PAFAH1B1: variants seen among roughly 807,000 people sequenced by gnomAD.
PAFAH1B1 encodes platelet-activating factor acetylhydrolase IB subunit beta.
Under a neutral mutation model 57.5 loss-of-function variants are expected in PAFAH1B1, and 2 were observed. The observed-to-expected ratio is 0.03, with a 90% CI of 0.01 to 0.11. The LOEUF (loss-of-function observed/expected upper bound fraction) is 0.11, where lower values mean the gene tolerates loss of function less well. Among genes scored for constraint, PAFAH1B1 ranks in the 10% least tolerant of loss-of-function variants. PAFAH1B1 has a pLI of 1.00. For missense variants in PAFAH1B1, 257 were observed against 512.0 expected (o/e 0.50, Z 4.81); for synonymous variants, 152 against 169.6 (o/e 0.90, Z 0.81).
intron 1 of PAFAH1B1, among the ~76,000 whole-genome samples, chr17:2,608,176 C>T (rs111478118): frequency 2.6e-5 from 4 of 152,042 alleles, no homozygotes; most frequent in African/African-American, 4.8e-5. Context: ...CCTCCACCTC[C>T]CAGGTTCAAG....
At chr17:2,610,359 G>A (rs1288732148) in intron 1 of PAFAH1B1, among the ~76,000 whole-genome samples, 2 of 152,136 alleles carry the variant, frequency 1.3e-5, no homozygotes, top group Admixed American at 6.6e-5. Context: ...AGGCCAAAAA[G>A]GTTTATTATA....
intron 2 of PAFAH1B1, among the ~76,000 whole-genome samples, chr17:2,646,481 C>T (rs925585228): frequency 7.9e-5 from 12 of 151,964 alleles, no homozygotes; most frequent in African/African-American, 2.9e-4. Flanking sequence ...GGTGAAGCCC[C>T]ATCTCTACTA....
chr17:2,634,443 T>G (rs1056435406), intron 1 of PAFAH1B1, among the ~76,000 whole-genome samples: 5 of 152,170 alleles, frequency 3.3e-5, no homozygotes, highest in Non-Finnish European at 7.4e-5. Context: ...AGTCTCAACT[T>G]GGTTGTAAGC....
chr17:2,659,520 C>CA (rs1162326785), intron 2 of PAFAH1B1: 4,317 of 41,964 alleles, frequency 0.1, 136 homozygotes, highest in African/African-American at 0.12. Flanking sequence ...ACTGCCTCGC[C>CA]AAAAAAAAAA....
At chr17:2,620,137 A>C (rs1406753362) in intron 1 of PAFAH1B1, among the ~76,000 whole-genome samples, 1 of 152,174 alleles carries the variant, frequency 6.6e-6, no homozygotes, top group Non-Finnish European at 1.5e-5. Flanking sequence ...GTATATTCAG[A>C]AGAAAGTGCG....
intron 6 of PAFAH1B1, among the ~76,000 whole-genome samples, chr17:2,672,261 G>A (rs1375776520): frequency 2.9e-5 from 3 of 102,698 alleles, no homozygotes; most frequent in Non-Finnish European, 5.4e-5. Flanking sequence ...TTTAGCCTGG[G>A]TAACAGAGCA....
At chr17:2,665,334 G>T in intron 2 of PAFAH1B1, 38 bp from the exon 3 acceptor site, 1 of 1,071,802 alleles carries the variant, frequency 9.3e-7, no homozygotes. Context: ...ATAGAAATGA[G>T]GTCTTTTTTT....
chr17:2,649,489 G>A (rs1464609100), intron 2 of PAFAH1B1, among the ~76,000 whole-genome samples: 1 of 151,416 alleles, frequency 6.6e-6, no homozygotes, highest in Non-Finnish European at 1.5e-5. Flanking sequence ...CAGGAGGATC[G>A]CTTGAACCTG....
intron 1 of PAFAH1B1, among the ~76,000 whole-genome samples, chr17:2,603,338 A>C (rs1333758400): frequency 6.6e-6 from 1 of 152,080 alleles, no homozygotes; most frequent in Admixed American, 6.5e-5. Flanking sequence ...TTCAAAATAC[A>C]GGCCAGGCGC....
chr17:2,676,901 G>A (rs1225270348), intron 9 of PAFAH1B1, among the ~76,000 whole-genome samples: 3 of 152,032 alleles, frequency 2.0e-5, no homozygotes, highest in East Asian at 1.9e-4. Flanking sequence ...GGTGGCTTAC[G>A]CCTGTAATCC....
At chr17:2,661,244 ATGCCTGAATGGTAT>A (rs1435379185) in intron 2 of PAFAH1B1, among the ~76,000 whole-genome samples, 1 of 152,126 alleles carries the variant, frequency 6.6e-6, no homozygotes, top group Non-Finnish European at 1.5e-5. Context: ...ATCTTTGCCC[ATGCCTGAATGGTAT>A]TGCCTAGGTT....
intron 1 of PAFAH1B1, among the ~76,000 whole-genome samples, chr17:2,628,797 TC>T (rs1431899383): frequency 1.3e-5 from 2 of 152,216 alleles, no homozygotes; most frequent in Non-Finnish European, 2.9e-5. Context: ...CGTATCTAAT[TC>T]TTCCTGATTT....
At chr17:2,679,566 TTAGA>T (rs2069341193) in intron 9 of PAFAH1B1, 1 of 122,348 alleles carries the variant, frequency 8.2e-6, no homozygotes, top group Non-Finnish European at 1.7e-5. Context: ...AGATGGATGA[TTAGA>T]TGGATGATTG....
Position 2,682,015 on chromosome 17 carries a change from C to T in PAFAH1B1, c.*213C>T. 1.9e-6 allele frequency: 1 copy of T among 512,984 alleles called. No individual in the cohort carries two copies. Among genetic ancestry groups the T allele is most frequent in the Non-Finnish European group, 3.5e-6 (1 of 289,064 alleles). The allele number at this position is 512,984 out of a possible 1,614,324, so 31.8% of individuals were successfully genotyped here. On this transcript the variant is annotated 3_prime_UTR_variant, in exon 11 of 11. Transcript: ENST00000397195. ...AATTTACATACGTTGTCTAGAAGTACCATAGGGTTTAAAAACCTGGGCTGG... is the reference window on the plus strand; with the variant it reads ...AATTTACATACGTTGTCTAGAAGTATCATAGGGTTTAAAAACCTGGGCTGG...
At chr17:2,643,902 C>G (rs1049137054) in intron 2 of PAFAH1B1, among the ~76,000 whole-genome samples, 1 of 151,918 alleles carries the variant, frequency 6.6e-6, no homozygotes, top group Non-Finnish European at 1.5e-5. Flanking sequence ...AGATTCAACC[C>G]CTTTCGCCCA....
intron 1 of PAFAH1B1, among the ~76,000 whole-genome samples, chr17:2,605,677 T>G (rs2068197479): frequency 6.6e-6 from 1 of 152,194 alleles, no homozygotes; most frequent in Non-Finnish European, 1.5e-5. Context: ...AGGCAGTCTT[T>G]TCTAATTTTT....
Position 2,685,104 on chromosome 17 carries a change from TCTC to T in PAFAH1B1, c.*3305_*3307del, listed in dbSNP as rs1190074620. Reference sequence around the variant, plus strand: ...GTGTTCATCTAGATGACGCAAAGAATCTCCTGGTAGAGAAGCGACATGTAAAAA... The same window carrying T: ...GTGTTCATCTAGATGACGCAAAGAATCTGGTAGAGAAGCGACATGTAAAAA... On this transcript the variant is annotated 3_prime_UTR_variant, in exon 11 of 11. Transcript: ENST00000397195. The T allele has an allele frequency of 2.1e-5, 3 of 145,068 alleles. No individual in the cohort carries two copies. The highest frequency in any genetic ancestry group is 5.1e-5 in the African/African-American group (2 of 38,870). The allele number at this position is 145,068 out of a possible 1,614,324, so 9.0% of individuals were successfully genotyped here.
chr17:2,655,050 T>C (rs967828609), intron 2 of PAFAH1B1, among the ~76,000 whole-genome samples: 1 of 151,684 alleles, frequency 6.6e-6, no homozygotes, highest in East Asian at 1.9e-4. Context: ...TCCTCCCGCA[T>C]TGGCCTTTCA....
intron 2 of PAFAH1B1, among the ~76,000 whole-genome samples, chr17:2,657,601 C>T (rs560932730): frequency 1.3e-5 from 2 of 152,294 alleles, no homozygotes; most frequent in African/African-American, 4.8e-5. Context: ...CCATAATGTA[C>T]CATTCTGATT....
Sources: gnomAD v4.1 joint callset for allele counts (sites outside exome capture counted in the v4.1 genomes callset) on GRCh38, gnomAD v4.1.1 for gene constraint, MANE v1.5 for transcripts, NCBI Gene and HGNC (gene_info 2026-07-23, HGNC 2026-07-21) for gene names.